TRIO: variants seen among roughly 807,000 people sequenced by gnomAD.
TRIO encodes triple functional domain protein.
TRIO carries 58 observed loss-of-function variants against 351.9 expected under a neutral mutation model. That is an observed-to-expected ratio of 0.16 (90% CI 0.13 to 0.21). The LOEUF (loss-of-function observed/expected upper bound fraction) is 0.21. TRIO is among the 10% of genes least tolerant of loss of function. The pLI is 1.00. For missense variants in TRIO, 3,201 were observed against 4,027.8 expected (o/e 0.79, Z 5.56); for synonymous variants, 1,758 against 1,595.7 (o/e 1.10, Z -2.42).
intron 19 of TRIO, among the ~76,000 whole-genome samples, chr5:14,375,781 TAGG>T (rs1745506045): frequency 6.6e-6 from 1 of 152,202 alleles, no homozygotes; most frequent in African/African-American, 2.4e-5. Flanking sequence ...ACTGTGGAAA[TAGG>T]AGACTAGAAA....
intron 1 of TRIO, among the ~76,000 whole-genome samples, chr5:14,237,311 T>G (rs1793837058): frequency 6.6e-6 from 1 of 152,158 alleles, no homozygotes; most frequent in Non-Finnish European, 1.5e-5. Context: ...TTTGGAGCAT[T>G]TTAGATTTTG....
chr5:14,425,602 G>A (rs1157899536), intron 34 of TRIO, among the ~76,000 whole-genome samples: 4 of 152,170 alleles, frequency 2.6e-5, no homozygotes, highest in African/African-American at 9.7e-5. Flanking sequence ...ATATGGTACT[G>A]TTGTCTGAAT....
Position 14,394,234 on chromosome 5 carries a change from G to A in TRIO, c.4311+104G>A, listed in dbSNP as rs140305445. 2.2e-5 allele frequency: 15 copies of A among 691,506 alleles called. No homozygotes were observed. In the Admixed American group the frequency reaches 2.5e-4, roughly 11 times the overall value. 42.8% of individuals were successfully genotyped at this position (691,506 alleles called of 1,614,324 possible). A position where few individuals can be genotyped will look rare whatever the true frequency, so the allele number is the denominator to read the frequency against. On this transcript the variant is annotated intron_variant, in intron 28 of 56. Coordinates refer to ENST00000344204, the MANE Select transcript of TRIO (RefSeq NM_007118.4). ...TACCCTGAATTTTTTGAAACACCTA[G>A]TCAATTAATTTTACTTTTTAATTCA...
intron 40 of TRIO, among the ~76,000 whole-genome samples, 158 bp from the exon 41 acceptor site, chr5:14,476,736 G>A (rs1000223948): frequency 6.6e-6 from 1 of 151,524 alleles, no homozygotes; most frequent in Admixed American, 6.6e-5. Context: ...GGAGGTTGCA[G>A]TGAACCAAGA....
At chr5:14,230,800 T>C (rs946159441) in intron 1 of TRIO, among the ~76,000 whole-genome samples, 2 of 152,198 alleles carry the variant, frequency 1.3e-5, no homozygotes, top group African/African-American at 2.4e-5. Context: ...TTGAAAATAA[T>C]TTATACCAAT....
intron 33 of TRIO, among the ~76,000 whole-genome samples, chr5:14,413,936 G>A (rs1203279456): frequency 6.6e-6 from 1 of 152,148 alleles, no homozygotes; most frequent in Non-Finnish European, 1.5e-5. Context: ...AACATAAGCT[G>A]GTTGAGGTCA....
chr5:14,336,168 T>A (rs1317283326), intron 10 of TRIO, among the ~76,000 whole-genome samples: 1 of 152,140 alleles, frequency 6.6e-6, no homozygotes, highest in Non-Finnish European at 1.5e-5. Context: ...CTCTGCTTGG[T>A]GATAAAACTG....
chr5:14,237,140 G>A lies in TRIO; in HGVS notation c.158-33685G>A, dbSNP rs559811801. On this transcript the variant is annotated intron_variant, in intron 1 of 56. Coordinates refer to ENST00000344204, the MANE Select transcript of TRIO (RefSeq NM_007118.4). Reference sequence around the variant, plus strand: ...TTATCCAAAATGCTTGGGACCAGAGGGGTTGTGAATTTCCGGTTTTTCTTT... The same window carrying A: ...TTATCCAAAATGCTTGGGACCAGAGAGGTTGTGAATTTCCGGTTTTTCTTT... Among the ~76,000 whole-genome samples, 3 of 152,188 alleles carry A rather than the reference G, an allele frequency of 2.0e-5. No individual in the cohort carries two copies. The South Asian group carries it at 6.2e-4, about 32-fold the overall frequency.
chr5:14,195,521 C>T (rs1465248285), intron 1 of TRIO, among the ~76,000 whole-genome samples: 1 of 152,212 alleles, frequency 6.6e-6, no homozygotes, highest in Non-Finnish European at 1.5e-5. Flanking sequence ...TTGAGATTCT[C>T]TGTGAAAGTA....
In TRIO at chr5:14,497,942, C is replaced by G; in HGVS notation, c.8047+68C>G. 6.2e-7 allele frequency: 1 copy of G among 1,611,910 alleles called. No individual in the cohort carries two copies. Among genetic ancestry groups the G allele is most frequent in the Non-Finnish European group, 8.5e-7 (1 of 1,178,062 alleles). Reference sequence around the variant, plus strand: ...GACCTGTGGGGCATGTTTCAGAGCACTTGAGTGTGGCCTCTGGAAATGAGT... The same window carrying G: ...GACCTGTGGGGCATGTTTCAGAGCAGTTGAGTGTGGCCTCTGGAAATGAGT... On this transcript the variant is annotated intron_variant, in intron 51 of 56. Transcript: ENST00000344204. This position sits in a 1 kb window ranked among gnomAD's most constrained non-coding sequence, Gnocchi z 4.4.
intron 1 of TRIO, among the ~76,000 whole-genome samples, chr5:14,236,501 A>G (rs577359846): frequency 1.3e-5 from 2 of 152,350 alleles, no homozygotes; most frequent in South Asian, 4.1e-4. Context: ...TCACCAAGGT[A>G]TTAAACATTG....
At position 14,336,890 on chromosome 5, in the gene TRIO, C is replaced by T. The variant is rs62344977; in HGVS notation, c.2046+163C>T. Among the ~76,000 whole-genome samples, 1,084 of 152,278 alleles carry T rather than the reference C, an allele frequency of 7.1e-3. 7 individuals are homozygous for T. Among genetic ancestry groups the T allele is most frequent in the Non-Finnish European group, 0.011 (768 of 68,018 alleles). On this transcript the variant is annotated intron_variant, in intron 11 of 56. Coordinates refer to ENST00000344204, the MANE Select transcript of TRIO (RefSeq NM_007118.4). ...TGTGTCTGCGTGGACAGGGAAAAGC[C>T]GGGCTTGTGCTGGCTTTCCTTGTTT...
At chr5:14,238,594 C>T (rs1214504770) in intron 1 of TRIO, among the ~76,000 whole-genome samples, 1 of 152,184 alleles carries the variant, frequency 6.6e-6, no homozygotes, top group African/African-American at 2.4e-5. Flanking sequence ...GTTCCATGCA[C>T]ATTTAATAGC....
intron 4 of TRIO, among the ~76,000 whole-genome samples, chr5:14,288,194 T>A (rs1736602255): frequency 6.6e-6 from 1 of 152,210 alleles, no homozygotes; most frequent in African/African-American, 2.4e-5. Context: ...GTGCATTGTA[T>A]TTAATTATAA....
chr5:14,314,332 A>T (rs1739191400), intron 8 of TRIO, among the ~76,000 whole-genome samples: 1 of 152,244 alleles, frequency 6.6e-6, no homozygotes, highest in Admixed American at 6.5e-5. Flanking sequence ...CAGTCTATAA[A>T]TGCCTAAATA....
At chr5:14,224,675 C>G (rs74747076) in intron 1 of TRIO, among the ~76,000 whole-genome samples, 9 of 152,112 alleles carry the variant, frequency 5.9e-5, no homozygotes, top group African/African-American at 2.2e-4. Flanking sequence ...TGGAAGGACT[C>G]AGTGGCTAAA....
intron 2 of TRIO, among the ~76,000 whole-genome samples, chr5:14,278,125 C>T (rs1404711089): frequency 6.6e-6 from 1 of 152,148 alleles, no homozygotes; most frequent in East Asian, 1.9e-4. Flanking sequence ...AACTTGGTAG[C>T]AAGTCTTAGG....
At chr5:14,430,216 CAAAAAAAAA>C (rs139833933) in intron 34 of TRIO, among the ~76,000 whole-genome samples, 16 of 118,522 alleles carry the variant, frequency 1.3e-4, no homozygotes, top group African/African-American at 4.9e-4. Context: ...ACCCAAATAG[CAAAAAAAAA>C]AAAAAAAAAA....
intron 1 of TRIO, among the ~76,000 whole-genome samples, chr5:14,152,201 A>C (rs961007658): frequency 1.8e-4 from 28 of 152,228 alleles, no homozygotes; most frequent in African/African-American, 6.5e-4. Flanking sequence ...CTTTTTAAAA[A>C]ATTTAAGTTC....
Sources: gnomAD v4.1 joint callset for allele counts (sites outside exome capture counted in the v4.1 genomes callset) on GRCh38, gnomAD v4.1.1 for gene constraint, Gnocchi (gnomAD v3.1) non-coding constraint, MANE v1.5 for transcripts, NCBI Gene and HGNC (gene_info 2026-07-23, HGNC 2026-07-21) for gene names.